CHST14: variants seen among roughly 807,000 people sequenced by gnomAD.
The protein encoded by CHST14 is carbohydrate (N-acetylgalactosamine 4-0) sulfotransferase 14.
CHST14 carries 13 observed loss-of-function variants against 22.7 expected under a neutral mutation model. That is an observed-to-expected ratio of 0.57 (90% CI 0.37 to 0.91). CHST14 has a LOEUF of 0.91. CHST14 is among the 40% of genes least tolerant of loss of function. CHST14 has a pLI of 0.01. For missense variants in CHST14, 466 were observed against 513.1 expected, an observed-to-expected ratio of 0.91 and a Z score of 0.89; for synonymous variants, 233 against 231.9, an observed-to-expected ratio of 1.00 and a Z score of -0.04.
chr15:40,471,816 C>T lies in CHST14; in HGVS notation c.603C>T (p.Tyr201=). ...LADLRPEEIR[Y]RLQHYFKFLF... is the part of the protein sequence containing the mutation. Reference sequence around the variant, plus strand: ...ACCTGCGGCCTGAGGAGATTCGCTACCGCCTGCAGCACTACTTTAAGTTCC... The same window carrying T: ...ACCTGCGGCCTGAGGAGATTCGCTATCGCCTGCAGCACTACTTTAAGTTCC... The change falls in exon 1 of 1, where the codon TAC becomes TAT. Residue 201 remains tyrosine (Y), a synonymous_variant. Transcript: ENST00000306243. The surrounding 1 kb of genome is among the most constrained non-coding windows in gnomAD (Gnocchi z 6.4). 2.5e-6 allele frequency: 4 copies of T among 1,613,818 alleles called. No individual in the cohort carries two copies. Among genetic ancestry groups the T allele is most frequent in the East Asian group, 2.2e-5 (1 of 44,878 alleles).
rs1595869832 is a variant in CHST14 at position 40,472,437 on chromosome 15, G to A, written c.*93G>A. On this transcript the variant is annotated 3_prime_UTR_variant, in exon 1 of 1. Transcript: ENST00000306243. ...CATTCGGAGAAACTCTGGCTCTGGG[G>A]CTTGGGGCTTCTCAGGATCCTGGAT... 1.4e-6 allele frequency: 2 copies of A among 1,415,176 alleles called. No homozygotes were observed. The highest frequency in any genetic ancestry group is 1.9e-6 in the Non-Finnish European group (2 of 1,039,988). 87.7% of individuals were successfully genotyped at this position (1,415,176 alleles called of 1,614,324 possible). A position where few individuals can be genotyped will look rare whatever the true frequency, so the allele number is the denominator to read the frequency against.
rs909698582 is a variant in CHST14, at chr15:40,471,010, C to A, written c.-204C>A. 153 of 303,598 alleles carry A rather than the reference C, an allele frequency of 5.0e-4. No homozygotes were observed. Among genetic ancestry groups the A allele is most frequent in the Admixed American group, 2.1e-3 (41 of 19,428 alleles). 18.8% of individuals were successfully genotyped at this position (303,598 alleles called of 1,614,324 possible). ...GCCGGGCGGGACATCCGGCCCGGGT[C>A]CCTCGCCGCGCCCGCCGCCCGCCGC... On this transcript the variant is annotated 5_prime_UTR_variant, in exon 1 of 1. Coordinates refer to ENST00000306243, the MANE Select transcript of CHST14 (RefSeq NM_130468.4). The surrounding 1 kb of genome is among the most constrained non-coding windows in gnomAD (Gnocchi z 6.4).
chr15:40,471,472 GCCCCCAAGCCTGGGGGCCTGT>G lies in CHST14; in HGVS notation c.263_283del (p.Pro88_Ser94del), dbSNP rs1464559197. Reference sequence around the variant, plus strand: ...CGAGGGCACAGCCTGGCGCGGGAAAGCCCCCAAGCCTGGGGGCCTGTCCCTCAGGGCTGGGGACGCGGACTT... The same window carrying G: ...CGAGGGCACAGCCTGGCGCGGGAAAGCCCTCAGGGCTGGGGACGCGGACTT... On this transcript the variant is annotated inframe_deletion, in exon 1 of 1. Coordinates refer to ENST00000306243, the MANE Select transcript of CHST14 (RefSeq NM_130468.4). This position sits in a 1 kb window ranked among gnomAD's most constrained non-coding sequence, Gnocchi z 6.4. 5.0e-6 allele frequency: 8 copies of G among 1,595,212 alleles called. No individual in the cohort carries two copies. The South Asian group carries it at 8.9e-5, about 18-fold the overall frequency.
Position 40,471,232 on chromosome 15 carries a change from A to G in CHST14, c.19A>G (p.Thr7Ala). The stretch of plus-strand genomic sequence containing the variant: ...GAGCACCATGTTCCCCCGCCCGCTG[A>G]CCCCGCTGGCGGCCCCAAATGGCGC... MFPRPL[T>A]PLAAPNGAEP... is the part of the protein sequence containing the mutation. Residue 7 changes from threonine (T) to alanine (A), a missense_variant, in exon 1 of 1, where the codon ACC (threonine) becomes GCC (alanine). Thr to Ala is a moderately conservative substitution (Grantham distance 58). Transcript: ENST00000306243. This position sits in a 1 kb window ranked among gnomAD's most constrained non-coding sequence, Gnocchi z 6.4. 1 of 1,420,414 alleles carries G rather than the reference A, an allele frequency of 7.0e-7. No homozygotes were observed. The highest frequency in any genetic ancestry group is 9.1e-7 in the Non-Finnish European group (1 of 1,098,160). The allele number at this position is 1,420,414 out of a possible 1,614,324, so 88.0% of individuals were successfully genotyped here. A position where few individuals can be genotyped will look rare whatever the true frequency, so the allele number is the denominator to read the frequency against.
Position 40,471,079 on chromosome 15 carries a change from G to T in CHST14, c.-135G>T, listed in dbSNP as rs866562686. Reference sequence around the variant, plus strand: ...CCGGGAGCCGGCCACCCCTACACGCGCCAGGGCTGTCCCCTGCCCTCCCCT... The same window carrying T: ...CCGGGAGCCGGCCACCCCTACACGCTCCAGGGCTGTCCCCTGCCCTCCCCT... On this transcript the variant is annotated 5_prime_UTR_variant, in exon 1 of 1. Transcript: ENST00000306243. This position sits in a 1 kb window ranked among gnomAD's most constrained non-coding sequence, Gnocchi z 6.4. The T allele has an allele frequency of 4.3e-5, 18 of 421,084 alleles. 1 individual carries two copies. Among genetic ancestry groups the T allele is most frequent in the African/African-American group, 1.3e-4 (6 of 47,288 alleles). 26.1% of individuals were successfully genotyped at this position (421,084 alleles called of 1,614,324 possible). A position where few individuals can be genotyped will look rare whatever the true frequency, so the allele number is the denominator to read the frequency against.
rs1175631687 is a variant in CHST14, at chr15:40,472,377, T to TG, written c.*35dup. ...TGTGGGGCCAGCAGCTGGTGGGGAC[T>TG]GGTTTCAACGCCAGCTTTCTGTGCT... On this transcript the variant is annotated 3_prime_UTR_variant, in exon 1 of 1. Transcript: ENST00000306243. 1 of 1,564,226 alleles carries TG rather than the reference T, an allele frequency of 6.4e-7. No individual in the cohort carries two copies. The highest frequency in any genetic ancestry group is 1.2e-5 in the South Asian group (1 of 82,994).
chr15:40,472,621 G>T lies in CHST14; in HGVS notation c.*277G>T. On this transcript the variant is annotated 3_prime_UTR_variant, in exon 1 of 1. Coordinates refer to ENST00000306243, the MANE Select transcript of CHST14 (RefSeq NM_130468.4). Reference sequence around the variant, plus strand: ...AGCAACACATCTGATCTAAAGACTGGCTCCAGACCCCGGGCTGCCAGGATT... The same window carrying T: ...AGCAACACATCTGATCTAAAGACTGTCTCCAGACCCCGGGCTGCCAGGATT... 1.1e-5 allele frequency: 5 copies of T among 460,846 alleles called. No individual in the cohort carries two copies. 28.5% of individuals were successfully genotyped at this position (460,846 alleles called of 1,614,324 possible).
rs978801730 is a variant in CHST14 at position 40,472,278 on chromosome 15, T to C, written c.1065T>C (p.Tyr355=). ...TGCTGCAGGATGTGCTGCCTAAGTA[T>C]ATCCTGGACTTCTCCCTCTTTGCCT... is the stretch of plus-strand genomic sequence containing the variant. ...RALLQDVLPK[Y]ILDFSLFAYP... The change falls in exon 1 of 1, where the codon TAT becomes TAC. Residue 355 remains tyrosine, a synonymous_variant. Coordinates refer to ENST00000306243, the MANE Select transcript of CHST14 (RefSeq NM_130468.4). The C allele has an allele frequency of 6.2e-7, 1 of 1,606,432 alleles. No homozygotes were observed. The highest frequency in any genetic ancestry group is 8.5e-7 in the Non-Finnish European group (1 of 1,174,676).
In CHST14 at chr15:40,472,240, GC is replaced by G. The variant is rs774738190; in HGVS notation, c.1033del (p.Arg345GlyfsTer89). 1 of 1,613,010 alleles carries G rather than the reference GC, an allele frequency of 6.2e-7. No individual in the cohort carries two copies. Among genetic ancestry groups the G allele is most frequent in the Non-Finnish European group, 8.5e-7 (1 of 1,179,182 alleles). On this transcript the variant is annotated frameshift_variant, in exon 1 of 1. Transcript: ENST00000306243. LOFTEE classifies it high-confidence loss of function. Reference protein sequence around the residue: ...PESLHYHLCSAPRALLQDVLP... With the variant: ...PESLHYHLCSXPRALLQDVLP... ...AAGCCTGCATTACCACTTGTGCAGT[GC>G]CCCCCGGGCCCTGCTGCAGGATGTG...
rs764787016 is a variant in CHST14, at chr15:40,471,888, C to A, written c.675C>A (p.Asn225Lys). The A allele has an allele frequency of 1.2e-6, 2 of 1,614,126 alleles. No individual in the cohort carries two copies. The highest frequency in any genetic ancestry group is 4.5e-5 in the East Asian group (2 of 44,878). The stretch of plus-strand genomic sequence containing the variant: ...AACGCCTCCTCTCTGCCTACCGCAA[C>A]AAGTTTGGCGAGATCCGAGAGTACC... ...PLERLLSAYR[N>K]KFGEIREYQQ... is the part of the protein sequence containing the mutation. Residue 225 changes from asparagine (N) to lysine (K), a missense_variant, in exon 1 of 1, where the codon AAC becomes AAA. Coordinates refer to ENST00000306243, the MANE Select transcript of CHST14 (RefSeq NM_130468.4). This position sits in a 1 kb window ranked among gnomAD's most constrained non-coding sequence, Gnocchi z 6.4.
Position 40,471,330 on chromosome 15 carries a change from G to T in CHST14, c.117G>T (p.Leu39=). 6.5e-7 allele frequency: 1 copy of T among 1,542,050 alleles called. No individual in the cohort carries two copies. The highest frequency in any genetic ancestry group is 8.7e-7 in the Non-Finnish European group (1 of 1,149,090). ...RARAGLGGPP[L]LLPSMLMFAV... ...GGGCGGGGCTGGGTGGGCCGCCCCT[G>T]CTGCTGCCGTCCATGCTGATGTTTG... The change falls in exon 1 of 1, where the codon CTG becomes CTT. Residue 39 remains leucine (L), a synonymous_variant. Coordinates refer to ENST00000306243, the MANE Select transcript of CHST14 (RefSeq NM_130468.4). The surrounding 1 kb of genome is among the most constrained non-coding windows in gnomAD (Gnocchi z 6.4).
chr15:40,472,249 G>A lies in CHST14; in HGVS notation c.1036G>A (p.Ala346Thr). ...LHYHLCSAPRALLQDVLPKYI... is the reference protein window; with the variant it reads ...LHYHLCSAPRTLLQDVLPKYI... ...TTACCACTTGTGCAGTGCCCCCCGG[G>A]CCCTGCTGCAGGATGTGCTGCCTAA... Residue 346 changes from alanine to threonine, a missense_variant, in exon 1 of 1, where the codon GCC becomes ACC. Ala to Thr is a moderately conservative substitution (Grantham distance 58). Coordinates refer to ENST00000306243, the MANE Select transcript of CHST14 (RefSeq NM_130468.4). The A allele has an allele frequency of 6.2e-7, 1 of 1,612,980 alleles. No individual in the cohort carries two copies. Among genetic ancestry groups the A allele is most frequent in the Non-Finnish European group, 8.5e-7 (1 of 1,179,134 alleles).
chr15:40,472,403 T>TCTGC lies in CHST14; in HGVS notation c.*63_*66dup. On this transcript the variant is annotated 3_prime_UTR_variant, in exon 1 of 1. Coordinates refer to ENST00000306243, the MANE Select transcript of CHST14 (RefSeq NM_130468.4). ...GGTTTCAACGCCAGCTTTCTGTGCT[T>TCTGC]CTGCCTGTCATTCGGAGAAACTCTG... The TCTGC allele has an allele frequency of 6.6e-7, 1 of 1,525,292 alleles. No homozygotes were observed. Among genetic ancestry groups the TCTGC allele is most frequent in the Non-Finnish European group, 8.8e-7 (1 of 1,132,240 alleles). The allele number at this position is 1,525,292 out of a possible 1,614,324, so 94.5% of individuals were successfully genotyped here. A position where few individuals can be genotyped will look rare whatever the true frequency, so the allele number is the denominator to read the frequency against.
chr15:40,471,110 ACT>A lies in CHST14; in HGVS notation c.-103_-102del. 2.6e-5 allele frequency: 11 copies of A among 426,858 alleles called. No individual in the cohort carries two copies. The highest frequency in any genetic ancestry group is 3.1e-5 in the Non-Finnish European group (8 of 260,190). The allele number at this position is 426,858 out of a possible 1,614,324, so 26.4% of individuals were successfully genotyped here. A position where few individuals can be genotyped will look rare whatever the true frequency, so the allele number is the denominator to read the frequency against. The stretch of plus-strand genomic sequence containing the variant: ...GCTGTCCCCTGCCCTCCCCTCCCCA[ACT>A]ACCCCCGGTCCCAGACCCTCCTCCC... On this transcript the variant is annotated 5_prime_UTR_variant, in exon 1 of 1. Transcript: ENST00000306243. The surrounding 1 kb of genome is among the most constrained non-coding windows in gnomAD (Gnocchi z 6.4).
chr15:40,471,305 G>A lies in CHST14; in HGVS notation c.92G>A (p.Arg31Gln), dbSNP rs1266205241. The change falls in exon 1 of 1, where the codon CGG (arginine) becomes CAG (glutamine). Residue 31 changes from arginine (R) to glutamine (Q), a missense_variant. Transcript: ENST00000306243. The surrounding 1 kb of genome is among the most constrained non-coding windows in gnomAD (Gnocchi z 6.4). ...AGGCGGGCCCCTCTGGGCAGGGCCC[G>A]GGCGGGGCTGGGTGGGCCGCCCCTG... ...ALRRAPLGRARAGLGGPPLLL... is the reference protein window; with the variant it reads ...ALRRAPLGRAQAGLGGPPLLL... The A allele has an allele frequency of 2.6e-6, 4 of 1,533,186 alleles. No homozygotes were observed. The highest frequency in any genetic ancestry group is 2.4e-5 in the South Asian group (2 of 83,892). The allele number at this position is 1,533,186 out of a possible 1,614,324, so 95.0% of individuals were successfully genotyped here.
chr15:40,472,156 G>T lies in CHST14; in HGVS notation c.943G>T (p.Ala315Ser). The change falls in exon 1 of 1, where the codon GCA becomes TCA. Residue 315 changes from alanine to serine, a missense_variant. Coordinates refer to ENST00000306243, the MANE Select transcript of CHST14 (RefSeq NM_130468.4). ...DANQVLEWVR[A>S]PPHVRFPARQ... is the part of the protein sequence containing the mutation. ...AAATCAGGTGCTGGAGTGGGTACGG[G>T]CACCACCTCACGTCCGATTTCCAGC... is the stretch of plus-strand genomic sequence containing the variant. 3 of 1,614,072 alleles carry T rather than the reference G, an allele frequency of 1.9e-6. No individual in the cohort carries two copies. The highest frequency in any genetic ancestry group is 2.5e-6 in the Non-Finnish European group (3 of 1,180,024).
In CHST14 at chr15:40,472,368, G is replaced by A; in HGVS notation, c.*24G>A. On this transcript the variant is annotated 3_prime_UTR_variant, in exon 1 of 1. Transcript: ENST00000306243. ...GACCATGGGTGTGGGGCCAGCAGCT[G>A]GTGGGGACTGGTTTCAACGCCAGCT... 1 of 1,577,514 alleles carries A rather than the reference G, an allele frequency of 6.3e-7. No individual in the cohort carries two copies. The highest frequency in any genetic ancestry group is 1.2e-5 in the South Asian group (1 of 85,092).
Position 40,471,979 on chromosome 15 carries a change from G to T in CHST14, c.766G>T (p.Asp256Tyr), listed in dbSNP as rs746249841. 1.9e-6 allele frequency: 3 copies of T among 1,614,164 alleles called. No homozygotes were observed. The highest frequency in any genetic ancestry group is 8.5e-7 in the Non-Finnish European group (1 of 1,180,036). ...TGGAGCGGGGCCCAGCCCTGCAGGC[G>T]ACGATGTCACATTCCCCGAGTTCCT... The part of the protein sequence containing the change: ...RAGAGPSPAG[D>Y]DVTFPEFLRY... The change falls in exon 1 of 1, where the codon GAC becomes TAC. Residue 256 changes from aspartate (D) to tyrosine (Y), a missense_variant. Physicochemically the swap from Asp to Tyr is radical, Grantham distance 160. Transcript: ENST00000306243. The surrounding 1 kb of genome is among the most constrained non-coding windows in gnomAD (Gnocchi z 6.4).
chr15:40,472,502 C>A lies in CHST14; in HGVS notation c.*158C>A. On this transcript the variant is annotated 3_prime_UTR_variant, in exon 1 of 1. Coordinates refer to ENST00000306243, the MANE Select transcript of CHST14 (RefSeq NM_130468.4). The stretch of plus-strand genomic sequence containing the variant: ...TCAGAAGTTCCTTGTCCAGGGTGGG[C>A]ACCCACAGTGACTCAGAGGACAGGG... 1.2e-6 allele frequency: 1 copy of A among 803,818 alleles called. No homozygotes were observed. The highest frequency in any genetic ancestry group is 2.0e-6 in the Non-Finnish European group (1 of 504,660). 49.8% of individuals were successfully genotyped at this position (803,818 alleles called of 1,614,324 possible). A position where few individuals can be genotyped will look rare whatever the true frequency, so the allele number is the denominator to read the frequency against.
Sources: gnomAD v4.1 joint callset for allele counts on GRCh38, gnomAD v4.1.1 for gene constraint, Gnocchi (gnomAD v3.1) non-coding constraint, MANE v1.5 for transcripts, NCBI Gene and HGNC (gene_info 2026-07-23, HGNC 2026-07-21) for gene names.